DNAH17: variants seen among roughly 807,000 people sequenced by gnomAD.
DNAH17 encodes dynein axonemal heavy chain 17, also known as axonemal beta dynein heavy chain 17.
DNAH17 carries 376 observed loss-of-function variants against 485.6 expected under a neutral mutation model. That is an observed-to-expected ratio of 0.77 (90% CI 0.71 to 0.84). DNAH17 has a LOEUF of 0.84. DNAH17 is among the 40% of genes least tolerant of loss of function. The probability of loss-of-function intolerance (pLI) is 0.00; values close to 1 mark genes in which losing one functional copy is unlikely to be tolerated. For missense variants in DNAH17, 6,370 were observed against 5,839.3 expected (o/e 1.09, Z -2.96); for synonymous variants, 3,031 against 2,405.9 (o/e 1.26, Z -7.60).
chr17:78,479,381 A>G, intron 50 of DNAH17, 104 bp downstream of exon 50: 1 of 1,340,194 alleles, frequency 7.5e-7, no homozygotes, highest in Non-Finnish European at 9.9e-7. Flanking sequence ...ATATTGATTT[A>G]GAATTATAAA....
In DNAH17 at chr17:78,571,696, C is replaced by T; in HGVS notation, c.626G>A (p.Ser209Asn). Residue 209 changes from serine to asparagine, a missense_variant, in exon 4 of 81, where the codon AGC becomes AAC. Transcript: ENST00000389840. ...CAGCAGCGCCTGGGCTGAGTCTTTG[C>T]TCAGCACATCCCGGATCTGGTGGGA... Reference protein sequence around the residue: ...DWSHQIRDVLSKDSAQALLDG... With the variant: ...DWSHQIRDVLNKDSAQALLDG... 1.2e-6 allele frequency: 2 copies of T among 1,613,936 alleles called. No individual in the cohort carries two copies. Among genetic ancestry groups the T allele is most frequent in the Non-Finnish European group, 1.7e-6 (2 of 1,179,852 alleles).
chr17:78,430,195 C>T (rs1377190524), intron 75 of DNAH17, among the ~76,000 whole-genome samples: 3 of 152,234 alleles, frequency 2.0e-5, no homozygotes, highest in African/African-American at 7.2e-5. Context: ...GCCTCTTTCT[C>T]CTGCACAGCG....
At chr17:78,552,354 C>T (rs974556497) in intron 15 of DNAH17, among the ~76,000 whole-genome samples, 9 of 152,208 alleles carry the variant, frequency 5.9e-5, no homozygotes, top group African/African-American at 1.2e-4. Flanking sequence ...CCAAGATGTG[C>T]ACCAGCTCTG....
Position 78,492,841 on chromosome 17 carries a change from G to A in DNAH17, c.6409-76C>T, listed in dbSNP as rs541380728. Reference sequence around the variant, plus strand: ...CTGCCCCACTAGCCTCAGGACCATGGGTGGGCCTGGATGGTTTTTTTTTTT... The same window carrying A: ...CTGCCCCACTAGCCTCAGGACCATGAGTGGGCCTGGATGGTTTTTTTTTTT... On this transcript the variant is annotated intron_variant, in intron 41 of 80. Coordinates refer to ENST00000389840, the MANE Select transcript of DNAH17 (RefSeq NM_173628.4). 3.5e-6 allele frequency: 4 copies of A among 1,128,058 alleles called. No individual in the cohort carries two copies. The African/African-American group carries it at 7.2e-5, about 20-fold the overall frequency. 69.9% of individuals were successfully genotyped at this position (1,128,058 alleles called of 1,614,324 possible). A position where few individuals can be genotyped will look rare whatever the true frequency, so the allele number is the denominator to read the frequency against.
chr17:78,487,864 C>T (rs1461143033), intron 44 of DNAH17, among the ~76,000 whole-genome samples: 4 of 152,086 alleles, frequency 2.6e-5, no homozygotes, highest in South Asian at 2.1e-4. Context: ...GGGGGAGCTC[C>T]GCTTCTTCCT....
At chr17:78,424,607 G>A (rs1046331088) in intron 80 of DNAH17, 1 of 155,950 alleles carries the variant, frequency 6.4e-6, no homozygotes, top group African/African-American at 2.4e-5. Flanking sequence ...CCTATTTAAT[G>A]GTGTTTTTAT....
chr17:78,492,001 T>C (rs938132841), intron 42 of DNAH17, among the ~76,000 whole-genome samples: 1 of 152,106 alleles, frequency 6.6e-6, no homozygotes, highest in Non-Finnish European at 1.5e-5. Context: ...GCTTGACTTC[T>C]AGTAGGGGAA....
intron 2 of DNAH17, 28 bp downstream of exon 2, chr17:78,574,685 C>A (rs767768633): frequency 2.6e-6 from 4 of 1,567,056 alleles, no homozygotes; most frequent in African/African-American, 1.4e-5. Flanking sequence ...GTGCTCGACA[C>A]CCCGGATGGC....
At chr17:78,516,700 A>G (rs1252934727) in intron 25 of DNAH17, among the ~76,000 whole-genome samples, 3 of 151,544 alleles carry the variant, frequency 2.0e-5, no homozygotes, top group South Asian at 4.2e-4. Context: ...AGAAAAAAAA[A>G]AAAAAAAAAA....
chr17:78,429,028 T>G (rs2086582632), intron 76 of DNAH17, 93 bp downstream of exon 76: 1 of 1,400,240 alleles, frequency 7.1e-7, no homozygotes. Context: ...GGGTTCTTGC[T>G]CAATTATTGA....
At position 78,480,354 on chromosome 17, in the gene DNAH17, AAAAAC is replaced by A. The variant is rs375670620; in HGVS notation, c.7752+325_7752+329del. Among the ~76,000 whole-genome samples the A allele has an allele frequency of 1.6e-3, 248 of 151,398 alleles. 1 individual carries two copies. The highest frequency in any genetic ancestry group is 5.8e-3 in the African/African-American group (237 of 40,704). ...ACAGAGTGAGACTCAGCCTCAAAACAAAAACAAAACAACAAAAAAAGAACGGTATG... is the reference window on the plus strand; with the variant it reads ...ACAGAGTGAGACTCAGCCTCAAAACAAAAACAACAAAAAAAGAACGGTATG... On this transcript the variant is annotated intron_variant, in intron 49 of 80. Transcript: ENST00000389840.
intron 69 of DNAH17, among the ~76,000 whole-genome samples, chr17:78,447,393 G>C (rs958373959): frequency 6.6e-6 from 1 of 152,148 alleles, no homozygotes; most frequent in African/African-American, 2.4e-5. Flanking sequence ...CGGCCCTCTG[G>C]ACCTCCTGTG....
intron 79 of DNAH17, among the ~76,000 whole-genome samples, chr17:78,426,070 G>A (rs72914877): frequency 0.16 from 23,775 of 152,104 alleles, 1,982 homozygotes; most frequent in Middle Eastern, 0.2. Flanking sequence ...GCTGCTGTTT[G>A]CTCCATTTTA....
intron 75 of DNAH17, among the ~76,000 whole-genome samples, chr17:78,431,376 C>T (rs2086665046): frequency 6.6e-6 from 1 of 151,728 alleles, no homozygotes; most frequent in Non-Finnish European, 1.5e-5. Flanking sequence ...GCCCCACACG[C>T]TCCTCAGGAG....
chr17:78,545,319 G>A (rs972288723), intron 16 of DNAH17, among the ~76,000 whole-genome samples: 1 of 152,150 alleles, frequency 6.6e-6, no homozygotes, highest in Non-Finnish European at 1.5e-5. Flanking sequence ...AACGCGTTCT[G>A]TATATGTCTT....
chr17:78,516,652 T>G (rs1342438663), intron 25 of DNAH17, among the ~76,000 whole-genome samples: 2 of 139,468 alleles, frequency 1.4e-5, no homozygotes, highest in African/African-American at 5.5e-5. Flanking sequence ...ATCACATCAC[T>G]GCACTCCAGC....
chr17:78,484,799 CGCCCCGCCCTG>C (rs1367708879), intron 48 of DNAH17, 58 bp downstream of exon 48: 10 of 1,187,036 alleles, frequency 8.4e-6, no homozygotes, highest in African/African-American at 6.7e-5. Flanking sequence ...CCTCTTCCTG[CGCCCCGCCCTG>C]GCCCCGCCCT....
At chr17:78,535,116 G>C (rs143131371) in intron 19 of DNAH17, among the ~76,000 whole-genome samples, 6 of 152,328 alleles carry the variant, frequency 3.9e-5, no homozygotes, top group African/African-American at 1.4e-4. Context: ...GTGTCTGCAA[G>C]GCAGCCTGAG....
At chr17:78,492,037 G>T (rs185967606) in intron 42 of DNAH17, among the ~76,000 whole-genome samples, 1 of 152,124 alleles carries the variant, frequency 6.6e-6, no homozygotes, top group Admixed American at 6.5e-5. Flanking sequence ...AGAAGCCAGC[G>T]AAGGGGGACA....
Sources: allele counts gnomAD v4.1 joint callset (sites outside exome capture counted in the v4.1 genomes callset), GRCh38; gene constraint gnomAD v4.1.1; transcripts MANE v1.5; gene names NCBI Gene and HGNC (gene_info 2026-07-23, HGNC 2026-07-21).